BCAS1: variants seen among roughly 807,000 people sequenced by gnomAD.
BCAS1 encodes the protein breast carcinoma-amplified sequence 1.
Under a neutral mutation model 65.4 loss-of-function variants are expected in BCAS1, and 46 were observed. The observed-to-expected ratio is 0.70, with a 90% CI of 0.55 to 0.90. BCAS1 has a LOEUF of 0.90. Among genes scored for constraint, BCAS1 ranks in the 40% least tolerant of loss-of-function variants. The pLI, the probability that BCAS1 is intolerant of heterozygous loss-of-function variation, is 0.00. For missense variants in BCAS1, 793 were observed against 771.2 expected (o/e 1.03, Z -0.33); for synonymous variants, 298 against 293.5 (o/e 1.02, Z -0.16).
rs61731749 is a variant in BCAS1 at position 53,992,627 on chromosome 20, A to G, written c.947T>C (p.Val316Ala). 4,852 of 1,365,638 alleles carry G rather than the reference A, an allele frequency of 3.6e-3. 144 individuals carry two copies. In the African/African-American group the frequency reaches 0.064, roughly 18 times the overall value. 84.6% of individuals were successfully genotyped at this position (1,365,638 alleles called of 1,614,324 possible). The change falls in exon 7 of 13, where the codon GTC becomes GCC. Residue 316 changes from valine to alanine, a missense_variant. Transcript: ENST00000688948. Reference sequence around the variant, plus strand: ...CTTCTGACCAGCTTGTCCATCACAGACACTTTCTGCTTTCGATGCCTTTGG... The same window carrying G: ...CTTCTGACCAGCTTGTCCATCACAGGCACTTTCTGCTTTCGATGCCTTTGG... ...PEDTASKAESVCDGQAGQKTS... is the reference protein window; with the variant it reads ...PEDTASKAESACDGQAGQKTS...
Position 53,985,299 on chromosome 20 carries a change from C to T in BCAS1, c.1263G>A (p.Leu421=), listed in dbSNP as rs369869583. Residue 421 remains leucine, a synonymous_variant, in exon 8 of 13, where the codon CTG becomes CTA. Coordinates refer to ENST00000688948, the MANE Select transcript of BCAS1 (RefSeq NM_001366298.2). Reference sequence around the variant, plus strand: ...AAATCAGACTTACCTTTTTCCAAAACAGTTTGCCCAGAGGCAGAGAGGTGG... The same window carrying T: ...AAATCAGACTTACCTTTTTCCAAAATAGTTTGCCCAGAGGCAGAGAGGTGG... The part of the protein sequence containing the change: ...SGPTSLPLGK[L]FWKKSVKEDS... 198 of 1,613,180 alleles carry T rather than the reference C, an allele frequency of 1.2e-4. No homozygotes were observed. The highest frequency in any genetic ancestry group is 1.6e-4 in the Non-Finnish European group (192 of 1,179,904).
intron 4 of BCAS1, among the ~76,000 whole-genome samples, chr20:53,997,448 G>C (rs964365234): frequency 9.9e-5 from 15 of 152,212 alleles, no homozygotes; most frequent in East Asian, 1.9e-4. Context: ...TCCATTGCTT[G>C]GTTATAACAT....
At chr20:53,961,618 C>T (rs2089879674) in intron 10 of BCAS1, among the ~76,000 whole-genome samples, 1 of 152,202 alleles carries the variant, frequency 6.6e-6, no homozygotes, top group Admixed American at 6.5e-5. Context: ...CTCAATGCAT[C>T]AAAATGGTAC....
rs117455707 is a variant in BCAS1, at chr20:53,992,278, G to A, written c.1062+234C>T. On this transcript the variant is annotated intron_variant, in intron 7 of 12. Transcript: ENST00000688948. ...ACATTTGGGAAATACTGGGTTAGAA[G>A]AATAGTTCCAGAACCCTGGTCCGCA... is the stretch of plus-strand genomic sequence containing the variant. 6.6e-3 allele frequency among the ~76,000 whole-genome samples: 1,003 copies of A among 152,280 alleles called. 9 individuals are homozygous for A. Among genetic ancestry groups the A allele is most frequent in the Non-Finnish European group, 9.0e-3 (610 of 68,024 alleles).
chr20:54,057,994 T>C, intron 3 of BCAS1, 91 bp downstream of exon 3: 1 of 1,035,496 alleles, frequency 9.7e-7, no homozygotes, highest in South Asian at 1.4e-5. Flanking sequence ...GCTTCGACCC[T>C]TTCATTTTTT....
At chr20:54,055,066 G>A (rs914697641) in intron 3 of BCAS1, among the ~76,000 whole-genome samples, 4 of 152,126 alleles carry the variant, frequency 2.6e-5, no homozygotes, top group Non-Finnish European at 4.4e-5. Context: ...AGGATGGAGA[G>A]AAGGATAGAG....
intron 7 of BCAS1, among the ~76,000 whole-genome samples, chr20:53,987,646 A>G (rs1019203776): frequency 4.6e-5 from 7 of 152,232 alleles, no homozygotes; most frequent in African/African-American, 1.4e-4. Flanking sequence ...ATGACAGTAA[A>G]TAATTCCACA....
At chr20:54,021,930 T>C (rs2091568249) in intron 4 of BCAS1, among the ~76,000 whole-genome samples, 1 of 152,110 alleles carries the variant, frequency 6.6e-6, no homozygotes, top group African/African-American at 2.4e-5. Flanking sequence ...ACAAAAACTT[T>C]ATCTCTAAAA....
chr20:54,006,722 A>AG (rs1256327632), intron 4 of BCAS1, among the ~76,000 whole-genome samples: 1 of 152,072 alleles, frequency 6.6e-6, no homozygotes, highest in African/African-American at 2.4e-5. Flanking sequence ...AAAAAAAAAA[A>AG]AAAAAGTTGG....
intron 3 of BCAS1, among the ~76,000 whole-genome samples, chr20:54,053,090 C>T (rs1283280616): frequency 6.6e-6 from 1 of 152,214 alleles, no homozygotes; most frequent in East Asian, 1.9e-4. Context: ...AGTGGCATTG[C>T]AGGTAAATCA....
intron 9 of BCAS1, among the ~76,000 whole-genome samples, chr20:53,973,781 G>GT (rs1195969689): frequency 6.6e-6 from 1 of 152,126 alleles, no homozygotes; most frequent in Non-Finnish European, 1.5e-5. Flanking sequence ...GCTGGGCTAA[G>GT]ATTGGCTCAA....
In BCAS1 at chr20:54,065,113, CATCTATCTATCTATCTATCT is replaced by C. The variant is rs5841974; in HGVS notation, c.-6+5300_-6+5319del. 2.3e-4 allele frequency among the ~76,000 whole-genome samples: 33 copies of C among 144,278 alleles called. No homozygotes were observed. The South Asian group carries it at 5.9e-3, about 26-fold the overall frequency. 94.7% of individuals were successfully genotyped at this position (144,278 alleles called of 152,430 possible). Reference sequence around the variant, plus strand: ...AACTTTATGATGAGTATCTATCTATCATCTATCTATCTATCTATCTATCTATCTATCTATCTATCTATCTA... The same window carrying C: ...AACTTTATGATGAGTATCTATCTATCATCTATCTATCTATCTATCTATCTA... On this transcript the variant is annotated intron_variant, in intron 1 of 12. Transcript: ENST00000688948.
At chr20:54,013,890 T>C (rs1392191194) in intron 4 of BCAS1, among the ~76,000 whole-genome samples, 1 of 152,264 alleles carries the variant, frequency 6.6e-6, no homozygotes. Context: ...TTATTTCTTA[T>C]ATATGCTCAA....
At position 53,992,561 on chromosome 20, in the gene BCAS1, A is replaced by G; in HGVS notation, c.1013T>C (p.Leu338Pro). 1 of 1,365,084 alleles carries G rather than the reference A, an allele frequency of 7.3e-7. No homozygotes were observed. The highest frequency in any genetic ancestry group is 9.8e-7 in the Non-Finnish European group (1 of 1,021,548). The allele number at this position is 1,365,084 out of a possible 1,614,324, so 84.6% of individuals were successfully genotyped here. A position where few individuals can be genotyped will look rare whatever the true frequency, so the allele number is the denominator to read the frequency against. ...IQARGTKKKH[L>P]DSPRLGLAFR... is the part of the protein sequence containing the mutation. ...GGCGAGTCCTAGCCTGGGGCTATCC[A>G]GGTGCTTTTTCTTGGTGCCTCTAGC... Residue 338 changes from leucine (L) to proline (P), a missense_variant, in exon 7 of 13, where the codon CTG (leucine) becomes CCG (proline). Leu to Pro is a moderately conservative substitution (Grantham distance 98). Coordinates refer to ENST00000688948, the MANE Select transcript of BCAS1 (RefSeq NM_001366298.2).
intron 8 of BCAS1, among the ~76,000 whole-genome samples, chr20:53,981,224 C>A (rs1020415670): frequency 6.6e-6 from 1 of 152,118 alleles, no homozygotes; most frequent in Non-Finnish European, 1.5e-5. Flanking sequence ...TCACAGTAGC[C>A]CTAAGACATT....
chr20:53,983,366 T>G (rs1182192451), intron 8 of BCAS1, among the ~76,000 whole-genome samples: 2 of 152,212 alleles, frequency 1.3e-5, no homozygotes, highest in Non-Finnish European at 2.9e-5. Context: ...AATCCTTACT[T>G]CATTTGTATT....
intron 3 of BCAS1, among the ~76,000 whole-genome samples, chr20:54,037,058 T>C (rs980646196): frequency 1.1e-4 from 17 of 151,384 alleles, no homozygotes; most frequent in African/African-American, 4.1e-4. Flanking sequence ...TTATCTTTTT[T>C]TTTTCATGTG....
intron 3 of BCAS1, among the ~76,000 whole-genome samples, chr20:54,052,477 C>A (rs566168401): frequency 6.6e-6 from 1 of 152,250 alleles, no homozygotes; most frequent in South Asian, 2.1e-4. Flanking sequence ...TCTGCTATAG[C>A]CTGAATGTGT....
In BCAS1 at chr20:54,054,125, C is replaced by T. The variant is rs140630950; in HGVS notation, c.142+3960G>A. Among the ~76,000 whole-genome samples the T allele has an allele frequency of 3.0e-3, 454 of 152,302 alleles. 1 individual carries two copies. Among genetic ancestry groups the T allele is most frequent in the African/African-American group, 0.01 (426 of 41,556 alleles). The stretch of plus-strand genomic sequence containing the variant: ...CATCAAATCTCGTGAGACTTATTCA[C>T]TATCATGAGAACAGCATGGGAAAAA... On this transcript the variant is annotated intron_variant, in intron 3 of 12. Transcript: ENST00000688948.
Sources: allele counts gnomAD v4.1 joint callset (sites outside exome capture counted in the v4.1 genomes callset), GRCh38; gene constraint gnomAD v4.1.1; transcripts MANE v1.5; gene names NCBI Gene and HGNC (gene_info 2026-07-23, HGNC 2026-07-21).